The following ALDH1L1 variants were observed in gnomAD, a reference collection of about 807,000 sequenced individuals.
ALDH1L1 encodes cytosolic 10-formyltetrahydrofolate dehydrogenase.
ALDH1L1 carries 68 observed loss-of-function variants against 101.1 expected under a neutral mutation model. The observed-to-expected ratio is 0.67, with a 90% CI of 0.55 to 0.82. The LOEUF (loss-of-function observed/expected upper bound fraction) is 0.82, where lower values mean the gene tolerates loss of function less well. ALDH1L1 is among the 40% of genes least tolerant of loss of function. ALDH1L1 has a pLI of 0.00. For missense variants in ALDH1L1, 1,087 were observed against 1,172.7 expected (o/e 0.93, Z 1.07); for synonymous variants, 486 against 470.8 (o/e 1.03, Z -0.42).
intron 1 of ALDH1L1, among the ~76,000 whole-genome samples, chr3:126,174,672 T>A (rs1317525319): frequency 6.6e-6 from 1 of 151,878 alleles, no homozygotes; most frequent in Non-Finnish European, 1.5e-5. Flanking sequence ...AAAGAATAAC[T>A]CTCAAGAAAA....
At chr3:126,124,926 G>A (rs146388025) in intron 15 of ALDH1L1, among the ~76,000 whole-genome samples, 91 of 152,242 alleles carry the variant, frequency 6.0e-4, no homozygotes, top group African/African-American at 1.9e-3. Flanking sequence ...TGCCCTTGCC[G>A]CGAAATTACC....
chr3:126,131,075 C>T (rs758635798), intron 13 of ALDH1L1, among the ~76,000 whole-genome samples: 1 of 152,346 alleles, frequency 6.6e-6, no homozygotes. Flanking sequence ...AGCCCTGCAT[C>T]CACACGGAAC....
upstream of ALDH1L1, among the ~76,000 whole-genome samples, chr3:126,185,943 A>G (rs1051319109): frequency 6.6e-5 from 10 of 152,308 alleles, no homozygotes; most frequent in African/African-American, 2.4e-4. Context: ...CAGCCACAAT[A>G]GGACAAATGG....
chr3:126,192,204 G>A (rs1228291801), intron 1 of ALDH1L1, among the ~76,000 whole-genome samples: 2 of 152,126 alleles, frequency 1.3e-5, no homozygotes, highest in Non-Finnish European at 2.9e-5. Flanking sequence ...CTCCCTCCTT[G>A]TGCATCCTTG....
intron 14 of ALDH1L1, chr3:126,128,730 CA>C: frequency 6.6e-6 from 1 of 152,464 alleles, no homozygotes; most frequent in South Asian, 2.1e-4. Flanking sequence ...GGGTGCTGAC[CA>C]GGCGCCCAGA....
chr3:126,174,052 T>TG (rs869088132), intron 1 of ALDH1L1, among the ~76,000 whole-genome samples: 9 of 152,132 alleles, frequency 5.9e-5, no homozygotes, highest in African/African-American at 1.7e-4. Flanking sequence ...ACGTTTTTTT[T>TG]GGGGGGGCGG....
At chr3:126,139,564 C>T (rs923422587) in intron 9 of ALDH1L1, among the ~76,000 whole-genome samples, 1 of 152,082 alleles carries the variant, frequency 6.6e-6, no homozygotes, top group Non-Finnish European at 1.5e-5. Context: ...GAAGAAGGTA[C>T]CCCTGAGGAA....
At chr3:126,114,432 G>T in intron 18 of ALDH1L1, 125 bp downstream of exon 18, 1 of 683,584 alleles carries the variant, frequency 1.5e-6, no homozygotes, top group Non-Finnish European at 2.2e-6. Flanking sequence ...TGCTTGTGAT[G>T]ACGCTATGGA....
intron 4 of ALDH1L1, among the ~76,000 whole-genome samples, chr3:126,157,001 G>T (rs1363745406): frequency 6.6e-6 from 1 of 152,188 alleles, no homozygotes; most frequent in East Asian, 1.9e-4. Flanking sequence ...GAGAGAAATA[G>T]AATCCTAACG....
intron 1 of ALDH1L1, among the ~76,000 whole-genome samples, chr3:126,164,094 G>A (rs934428295): frequency 1.3e-5 from 2 of 151,866 alleles, no homozygotes; most frequent in Non-Finnish European, 2.9e-5. Flanking sequence ...CCCTACCACT[G>A]CACTCCAGCC....
intron 19 of ALDH1L1, among the ~76,000 whole-genome samples, chr3:126,111,599 C>G (rs1042348562): frequency 1.3e-5 from 2 of 152,230 alleles, no homozygotes; most frequent in Non-Finnish European, 2.9e-5. Context: ...CTAGCCCGTC[C>G]TAGAAAGTCC....
intron 8 of ALDH1L1, among the ~76,000 whole-genome samples, chr3:126,149,475 C>T (rs927078728): frequency 6.6e-6 from 1 of 152,216 alleles, no homozygotes; most frequent in Non-Finnish European, 1.5e-5. Flanking sequence ...TCCAGCTGGC[C>T]CTGCAACACC....
chr3:126,142,595 A>G (rs1314473130), intron 9 of ALDH1L1, among the ~76,000 whole-genome samples: 1 of 152,258 alleles, frequency 6.6e-6, no homozygotes, highest in Non-Finnish European at 1.5e-5. Context: ...AGAAAAACAC[A>G]TGGTCATCTC....
intron 14 of ALDH1L1, chr3:126,129,341 C>A (rs2080251629): frequency 6.6e-6 from 1 of 152,310 alleles, no homozygotes; most frequent in South Asian, 2.1e-4. Context: ...TTTGGCCATG[C>A]CCACAGCTGT....
intron 1 of ALDH1L1, among the ~76,000 whole-genome samples, chr3:126,173,879 A>G (rs572981387): frequency 6.6e-6 from 1 of 152,256 alleles, no homozygotes; most frequent in Non-Finnish European, 1.5e-5. Flanking sequence ...ATAATGGTAA[A>G]GGAGTCAATT....
At position 126,146,931 on chromosome 3, in the gene ALDH1L1, A is replaced by C. The variant is rs754338770; in HGVS notation, c.985-5T>G. On this transcript the variant is annotated splice_polypyrimidine_tract_variant and splice_region_variant and intron_variant, in intron 8 of 22. Coordinates refer to ENST00000393434, the MANE Select transcript of ALDH1L1 (RefSeq NM_012190.4). ...GAGGATCCGCTGCCAAACACTCTGC[A>C]AAGCAAGACCTGATGAGAGGCTGGC... 4 of 1,613,204 alleles carry C rather than the reference A, an allele frequency of 2.5e-6. No homozygotes were observed. In the Admixed American group the frequency reaches 5.0e-5, roughly 20 times the overall value.
chr3:126,124,708 C>G (rs1185073576), intron 15 of ALDH1L1, among the ~76,000 whole-genome samples: 1 of 152,180 alleles, frequency 6.6e-6, no homozygotes, highest in African/African-American at 2.4e-5. Context: ...GGGCTCCAGC[C>G]GGCCAGGCCT....
intron 12 of ALDH1L1, among the ~76,000 whole-genome samples, chr3:126,134,658 C>A (rs1027136557): frequency 1.3e-5 from 2 of 152,228 alleles, no homozygotes; most frequent in African/African-American, 4.8e-5. Flanking sequence ...TGGGCTGCCC[C>A]GGCTTTTCTG....
intron 20 of ALDH1L1, chr3:126,107,914 G>GTCAATCCTGCCTGACCTCACTGAGAT (rs1945941082): frequency 2.0e-5 from 3 of 152,238 alleles, no homozygotes; most frequent in African/African-American, 7.2e-5. Flanking sequence ...CTGCACTGAG[G>GTCAATCCTGCCTGACCTCACTGAGAT]TCAATCCTGC....
Sources: gnomAD v4.1 joint callset for allele counts (sites outside exome capture counted in the v4.1 genomes callset) on GRCh38, gnomAD v4.1.1 for gene constraint, MANE v1.5 for transcripts, NCBI Gene and HGNC (gene_info 2026-07-23, HGNC 2026-07-21) for gene names.